CRPPA: variants seen among roughly 807,000 people sequenced by gnomAD.
CRPPA encodes CDP-L-ribitol pyrophosphorylase A.
Under a neutral mutation model 52.0 loss-of-function variants are expected in CRPPA, and 43 were observed. That is an observed-to-expected ratio of 0.83 (90% CI 0.65 to 1.07). The LOEUF (loss-of-function observed/expected upper bound fraction) is 1.07, where lower values mean the gene tolerates loss of function less well. CRPPA is among the 50% of genes least tolerant of loss of function. CRPPA has a pLI of 0.00. For synonymous variants in CRPPA, 250 were observed against 203.5 expected, an observed-to-expected ratio of 1.23 and a Z score of -1.94; for missense variants, 629 against 551.7, an observed-to-expected ratio of 1.14 and a Z score of -1.40.
chr7:16,126,634 T>G (rs1337596957), intron 9 of CRPPA, among the ~76,000 whole-genome samples: 1 of 152,166 alleles, frequency 6.6e-6, no homozygotes, highest in African/African-American at 2.4e-5. Flanking sequence ...TTGGAGATAC[T>G]GAAAACTAAA....
chr7:16,400,068 C>T (rs1474117862), intron 2 of CRPPA, among the ~76,000 whole-genome samples: 1 of 151,986 alleles, frequency 6.6e-6, no homozygotes, highest in East Asian at 1.9e-4. Flanking sequence ...GGCACGTGAT[C>T]GGCAACGTGT....
intron 8 of CRPPA, among the ~76,000 whole-genome samples, chr7:16,235,424 T>A (rs1026258426): frequency 5.3e-5 from 8 of 152,028 alleles, no homozygotes; most frequent in Non-Finnish European, 4.4e-5. Context: ...GCAAACTAGG[T>A]CATTTCAGAT....
chr7:16,392,056 CT>C (rs1416440979), intron 2 of CRPPA, among the ~76,000 whole-genome samples: 1 of 152,158 alleles, frequency 6.6e-6, no homozygotes, highest in African/African-American at 2.4e-5. Flanking sequence ...ATTCATGCCA[CT>C]TAATAGCTGT....
At chr7:16,250,869 A>G (rs992379906) in intron 8 of CRPPA, among the ~76,000 whole-genome samples, 2 of 152,202 alleles carry the variant, frequency 1.3e-5, no homozygotes, top group South Asian at 2.1e-4. Flanking sequence ...AAATTCACAC[A>G]TAACAATATT....
intron 9 of CRPPA, among the ~76,000 whole-genome samples, chr7:16,152,765 G>T (rs545488501): frequency 1.3e-5 from 2 of 152,000 alleles, no homozygotes; most frequent in East Asian, 3.9e-4. Flanking sequence ...TAGGCGGTTC[G>T]CAATGTAAAA....
chr7:16,403,148 A>G (rs1185838463), intron 2 of CRPPA, among the ~76,000 whole-genome samples: 3 of 152,142 alleles, frequency 2.0e-5, no homozygotes, highest in East Asian at 1.9e-4. Context: ...GGGGAAAAAA[A>G]CAGTTGTAGA....
chr7:16,200,425 T>C (rs1781824563), intron 9 of CRPPA, among the ~76,000 whole-genome samples: 1 of 152,182 alleles, frequency 6.6e-6, no homozygotes, highest in Non-Finnish European at 1.5e-5. Flanking sequence ...TTTACAATAA[T>C]AGTAACATCG....
rs555932095 is a variant in CRPPA at position 16,259,011 on chromosome 7, T to C, written c.935A>G (p.His312Arg). ...CAGAGCCTCAGATGTGACTTTTACA[T>C]GCTAGTAGGAAAAAACAGAAATGAA... ...LEEVLKSELN[H>R]VKVTSEALGH... is the part of the protein sequence containing the mutation. The change falls in exon 7 of 10, where the codon CAT becomes CGT. Residue 312 changes from histidine (H) to arginine (R), a missense_variant and splice_region_variant. His to Arg is a conservative substitution (Grantham distance 29, BLOSUM62 0). Transcript: ENST00000407010. 2.5e-6 allele frequency: 4 copies of C among 1,604,564 alleles called. No individual in the cohort carries two copies. Among genetic ancestry groups the C allele is most frequent in the African/African-American group, 2.7e-5 (2 of 74,648 alleles).
intron 3 of CRPPA, among the ~76,000 whole-genome samples, chr7:16,324,482 T>C (rs1413363471): frequency 6.6e-6 from 1 of 152,226 alleles, no homozygotes; most frequent in Non-Finnish European, 1.5e-5. Flanking sequence ...GAGAATGTAA[T>C]TGGCAAACAC....
intron 4 of CRPPA, 69 bp from the exon 5 acceptor site, chr7:16,301,535 C>A: frequency 1.8e-6 from 2 of 1,130,142 alleles, no homozygotes; most frequent in Non-Finnish European, 1.3e-6. Flanking sequence ...AAAATAATGC[C>A]CCCAAGGAAA....
intron 3 of CRPPA, among the ~76,000 whole-genome samples, chr7:16,314,691 G>T (rs1299582015): frequency 1.3e-5 from 2 of 151,930 alleles, no homozygotes; most frequent in African/African-American, 4.8e-5. Flanking sequence ...GAATTCTAGG[G>T]TGGTAGGTTT....
chr7:16,227,651 GATGT>G (rs1049235962), intron 8 of CRPPA, among the ~76,000 whole-genome samples: 1 of 151,678 alleles, frequency 6.6e-6, no homozygotes, highest in Non-Finnish European at 1.5e-5. Context: ...TTGCATATGA[GATGT>G]ATGTATAGTT....
At chr7:16,309,378 A>G (rs1051018135) in intron 3 of CRPPA, among the ~76,000 whole-genome samples, 1 of 152,176 alleles carries the variant, frequency 6.6e-6, no homozygotes, top group Non-Finnish European at 1.5e-5. Flanking sequence ...GGAGGCTGGC[A>G]TCTAACAAGC....
chr7:16,405,232 T>C (rs2389635), intron 2 of CRPPA, among the ~76,000 whole-genome samples: 2 of 151,994 alleles, frequency 1.3e-5, no homozygotes, highest in South Asian at 2.1e-4. Context: ...TAAGCACTTA[T>C]TATTAATACC....
In CRPPA at chr7:16,342,776, A is replaced by G. The variant is rs374637406; in HGVS notation, c.684+33316T>C. Among the ~76,000 whole-genome samples, 2 of 55,628 alleles carry G rather than the reference A, an allele frequency of 3.6e-5. 1 individual carries two copies. Among genetic ancestry groups the G allele is most frequent in the Non-Finnish European group, 7.4e-5 (2 of 26,874 alleles). The allele number at this position is 55,628 out of a possible 152,430, so 36.5% of individuals were successfully genotyped here. On this transcript the variant is annotated intron_variant, in intron 3 of 9. Transcript: ENST00000407010. ...ACCCTGTCTCCACAAAAAAAAAAAA[A>G]AAAAAAATATATATATATATATCTA... is the stretch of plus-strand genomic sequence containing the variant.
chr7:16,346,858 T>C (rs1786026391), intron 3 of CRPPA, among the ~76,000 whole-genome samples: 1 of 151,932 alleles, frequency 6.6e-6, no homozygotes, highest in African/African-American at 2.4e-5. Context: ...TACCTCCCTT[T>C]CAGCATAGGA....
chr7:16,275,349 A>C (rs1784178762), intron 6 of CRPPA, among the ~76,000 whole-genome samples: 1 of 152,158 alleles, frequency 6.6e-6, no homozygotes, highest in South Asian at 2.1e-4. Flanking sequence ...CTGGGTCCAA[A>C]GCACATTCAA....
At chr7:16,410,846 C>G (rs1482510756) in intron 1 of CRPPA, among the ~76,000 whole-genome samples, 2 of 152,174 alleles carry the variant, frequency 1.3e-5, no homozygotes, top group African/African-American at 4.8e-5. Context: ...CAGCCCTGCC[C>G]GAGTCTTTCA....
intron 6 of CRPPA, among the ~76,000 whole-genome samples, chr7:16,265,947 C>T (rs1360355085): frequency 6.6e-6 from 1 of 152,178 alleles, no homozygotes; most frequent in Non-Finnish European, 1.5e-5. Flanking sequence ...CCCAGGTCCA[C>T]ATACATAACC....
Sources: gnomAD v4.1 joint callset for allele counts (sites outside exome capture counted in the v4.1 genomes callset) on GRCh38, gnomAD v4.1.1 for gene constraint, MANE v1.5 for transcripts, NCBI Gene and HGNC (gene_info 2026-07-23, HGNC 2026-07-21) for gene names.